SPECC1L: variants seen among roughly 807,000 people sequenced by gnomAD.
SPECC1L encodes the protein cytospin-A.
In SPECC1L, 40 loss-of-function variants were observed where a neutral mutation model predicts 116.8. The ratio of observed to expected loss-of-function variants is 0.34; its 90% confidence interval spans 0.27 to 0.45. The LOEUF (loss-of-function observed/expected upper bound fraction) is 0.45. Ranked by LOEUF, SPECC1L falls within the 20% of genes least tolerant of loss-of-function variation. SPECC1L has a pLI of 1.00. For missense variants in SPECC1L, 1,110 were observed against 1,373.6 expected, an observed-to-expected ratio of 0.81 and a Z score of 3.03; for synonymous variants, 504 against 500.6, an observed-to-expected ratio of 1.01 and a Z score of -0.09.
At position 24,301,002 on chromosome 22, in the gene SPECC1L, C is replaced by T. The variant is rs577047842; in HGVS notation, c.-37-1193C>T. On this transcript the variant is annotated intron_variant, in intron 2 of 16. Transcript: ENST00000314328. Reference sequence around the variant, plus strand: ...AAAGACTTAAATGTAAAACCCAAAACCATAAAAATCCTAGAAGAAAACCTA... The same window carrying T: ...AAAGACTTAAATGTAAAACCCAAAATCATAAAAATCCTAGAAGAAAACCTA... Among the ~76,000 whole-genome samples the T allele has an allele frequency of 3.3e-5, 5 of 152,240 alleles. No individual in the cohort carries two copies. The South Asian group carries it at 1.0e-3, about 32-fold the overall frequency.
At chr22:24,291,695 C>T (rs187577733) in intron 2 of SPECC1L, among the ~76,000 whole-genome samples, 4 of 152,322 alleles carry the variant, frequency 2.6e-5, no homozygotes, top group Non-Finnish European at 5.9e-5. Flanking sequence ...CTGCTAACCA[C>T]TTTAGGCTCA....
chr22:24,342,410 C>T (rs2041195087), intron 10 of SPECC1L, among the ~76,000 whole-genome samples: 1 of 152,164 alleles, frequency 6.6e-6, no homozygotes, highest in African/African-American at 2.4e-5. Flanking sequence ...GTGACTCACG[C>T]CTGTAATCCC....
intron 11 of SPECC1L, among the ~76,000 whole-genome samples, chr22:24,356,241 G>A (rs146287328): frequency 1.4e-3 from 219 of 152,136 alleles, no homozygotes; most frequent in Admixed American, 4.6e-3. Flanking sequence ...CTGTCTGCTC[G>A]TTTCTAGGAA....
intron 4 of SPECC1L, among the ~76,000 whole-genome samples, chr22:24,315,460 G>A (rs1235985857): frequency 1.3e-5 from 2 of 152,264 alleles, no homozygotes; most frequent in Non-Finnish European, 2.9e-5. Context: ...AAGGCCACAA[G>A]GCTGGTGGTG....
chr22:24,320,508 TG>T (rs767240213), intron 4 of SPECC1L, among the ~76,000 whole-genome samples: 30 of 152,186 alleles, frequency 2.0e-4, no homozygotes, highest in Non-Finnish European at 4.0e-4. Context: ...CCAGACTGCC[TG>T]GGTTTCAATT....
At chr22:24,299,496 G>A (rs147156603) in intron 2 of SPECC1L, among the ~76,000 whole-genome samples, 1 of 152,292 alleles carries the variant, frequency 6.6e-6, no homozygotes, top group East Asian at 1.9e-4. Flanking sequence ...GCCGGTCTAA[G>A]TGATCTCAAG....
intron 2 of SPECC1L, among the ~76,000 whole-genome samples, chr22:24,281,269 C>G (rs12167270): frequency 0.011 from 1,643 of 152,224 alleles, 28 homozygotes; most frequent in African/African-American, 0.036. Flanking sequence ...TATTTATCAC[C>G]TACCTTCAAC....
At chr22:24,305,325 T>G (rs555941236) in intron 3 of SPECC1L, among the ~76,000 whole-genome samples, 1 of 152,300 alleles carries the variant, frequency 6.6e-6, no homozygotes, top group Admixed American at 6.5e-5. Context: ...GTGCCTCTGC[T>G]TAATCATTGC....
chr22:24,347,060 T>C, intron 10 of SPECC1L, 26 bp from the exon 11 acceptor site: 1 of 1,570,840 alleles, frequency 6.4e-7, no homozygotes. Flanking sequence ...ATTTTAACTT[T>C]GATGTTGTTT....
Position 24,413,230 on chromosome 22 carries a change from G to A in SPECC1L, c.3264+523G>A, listed in dbSNP as rs540192544. On this transcript the variant is annotated intron_variant, in intron 16 of 16. Transcript: ENST00000314328. ...TAGCCGCCACTCACAGGACAGAAGT[G>A]TGGAAACCCGGCGTGTTCTCAGGTT... Among the ~76,000 whole-genome samples the A allele has an allele frequency of 9.8e-5, 15 of 152,298 alleles. No homozygotes were observed. In the South Asian group the frequency reaches 2.7e-3, roughly 27 times the overall value.
At chr22:24,364,661 CAAAAA>C (rs57580257) in intron 12 of SPECC1L, among the ~76,000 whole-genome samples, 1 of 105,440 alleles carries the variant, frequency 9.5e-6, no homozygotes, top group Non-Finnish European at 1.9e-5. Context: ...GACTCCCTCT[CAAAAA>C]AAAAAAAAAA....
intron 15 of SPECC1L, chr22:24,412,379 T>G: frequency 1.8e-6 from 1 of 546,804 alleles, no homozygotes; most frequent in East Asian, 3.2e-5. Context: ...TGCCACAGCA[T>G]TGGTGCGGCA....
chr22:24,303,844 GGTGTGT>G (rs3031935), intron 3 of SPECC1L, among the ~76,000 whole-genome samples: 30,253 of 143,924 alleles, frequency 0.21, 3,447 homozygotes, highest in Admixed American at 0.28. Context: ...GTTTAAATAG[GGTGTGT>G]GTGTGTGTGT....
intron 10 of SPECC1L, among the ~76,000 whole-genome samples, chr22:24,346,335 C>T (rs1321454339): frequency 6.6e-6 from 1 of 152,164 alleles, no homozygotes; most frequent in Non-Finnish European, 1.5e-5. Context: ...CCTGCATATG[C>T]AGAAGTCTGG....
chr22:24,377,862 G>T (rs2041999587), intron 14 of SPECC1L, among the ~76,000 whole-genome samples: 1 of 152,206 alleles, frequency 6.6e-6, no homozygotes, highest in East Asian at 1.9e-4. Flanking sequence ...TAGAGCACAG[G>T]CAGAGTAGAT....
At chr22:24,401,371 A>G (rs1369790306) in intron 14 of SPECC1L, among the ~76,000 whole-genome samples, 1 of 152,164 alleles carries the variant, frequency 6.6e-6, no homozygotes, top group Non-Finnish European at 1.5e-5. Flanking sequence ...ATCTGATTCC[A>G]GTTCATGTTT....
At chr22:24,313,179 T>G (rs757468977) in intron 3 of SPECC1L, 134 bp from the exon 4 acceptor site, 63 of 820,266 alleles carry the variant, frequency 7.7e-5, no homozygotes, top group Non-Finnish European at 1.2e-4. Flanking sequence ...TATGGTGTGC[T>G]GCTTACTACC....
At chr22:24,372,653 C>A (rs1158095778) in intron 14 of SPECC1L, among the ~76,000 whole-genome samples, 1 of 151,914 alleles carries the variant, frequency 6.6e-6, no homozygotes, top group East Asian at 1.9e-4. Context: ...CTATGGCAAA[C>A]CCACAGCCAA....
chr22:24,370,278 A>T (rs144479349), intron 14 of SPECC1L, among the ~76,000 whole-genome samples: 12 of 152,378 alleles, frequency 7.9e-5, no homozygotes, highest in African/African-American at 2.9e-4. Flanking sequence ...TGCAGTGGAC[A>T]TACAGAAAAG....
Sources: allele counts gnomAD v4.1 joint callset (sites outside exome capture counted in the v4.1 genomes callset), GRCh38; gene constraint gnomAD v4.1.1; transcripts MANE v1.5; gene names NCBI Gene and HGNC (gene_info 2026-07-23, HGNC 2026-07-21).